GRM8: variants seen among roughly 807,000 people sequenced by gnomAD.
GRM8 encodes glutamate metabotropic receptor 8, also known as metabotropic glutamate receptor 8.
In GRM8, 47 loss-of-function variants were observed where a neutral mutation model predicts 87.2. That is an observed-to-expected ratio of 0.54 (90% CI 0.43 to 0.69). The LOEUF is 0.69. Among genes scored for constraint, GRM8 ranks in the 30% least tolerant of loss-of-function variants. The pLI is 0.00. For missense variants in GRM8, 1,019 were observed against 1,139.2 expected (o/e 0.89, Z 1.52); for synonymous variants, 396 against 404.5 (o/e 0.98, Z 0.25).
At chr7:126,946,286 G>A (rs1476227049) in intron 3 of GRM8, among the ~76,000 whole-genome samples, 1 of 152,184 alleles carries the variant, frequency 6.6e-6, no homozygotes, top group Non-Finnish European at 1.5e-5. Flanking sequence ...AGGTTCACTT[G>A]AGTCCAGGAG....
chr7:126,568,507 T>C (rs1794432066), intron 8 of GRM8, among the ~76,000 whole-genome samples: 1 of 152,096 alleles, frequency 6.6e-6, no homozygotes, highest in African/African-American at 2.4e-5. Flanking sequence ...CCTCCCTCTC[T>C]CTCCCTCTGT....
intron 6 of GRM8, among the ~76,000 whole-genome samples, chr7:126,780,201 C>T (rs898228630): frequency 3.3e-5 from 5 of 152,094 alleles, no homozygotes; most frequent in African/African-American, 4.8e-5. Context: ...ACCCTGCTTC[C>T]GATCTGCCTA....
intron 6 of GRM8, among the ~76,000 whole-genome samples, chr7:126,892,032 A>AAAC (rs1394999789): frequency 6.6e-6 from 1 of 151,178 alleles, no homozygotes; most frequent in East Asian, 1.9e-4. Context: ...AAAAAAAAAA[A>AAAC]AAAAAAAAAA....
chr7:127,017,055 T>C, intron 3 of GRM8, among the ~76,000 whole-genome samples: 1 of 152,044 alleles, frequency 6.6e-6, no homozygotes, highest in East Asian at 1.9e-4. Context: ...TTTCAAAAAA[T>C]TTCCACTAAT....
At chr7:126,938,813 A>T (rs1806599099) in intron 3 of GRM8, among the ~76,000 whole-genome samples, 3 of 152,224 alleles carry the variant, frequency 2.0e-5, no homozygotes, top group Non-Finnish European at 4.4e-5. Context: ...ATTTAGTAAC[A>T]AATATCAGAA....
intron 3 of GRM8, among the ~76,000 whole-genome samples, chr7:127,057,199 T>C (rs1820084048): frequency 1.3e-5 from 2 of 152,324 alleles, no homozygotes; most frequent in East Asian, 3.9e-4. Flanking sequence ...TGCCACTGTC[T>C]TATATACTTC....
At position 126,607,684 on chromosome 7, in the gene GRM8, C is replaced by CT. The variant is rs567513377; in HGVS notation, c.1494+1677dup. 7.8e-4 allele frequency among the ~76,000 whole-genome samples: 118 copies of CT among 152,066 alleles called. 2 individuals carry two copies. In the South Asian group the frequency reaches 0.023, roughly 29 times the overall value. ...TAAAAACATCCTACTGTCTACCGTT[C>CT]TTTTTTTATGTATTTTTATTATTAT... On this transcript the variant is annotated intron_variant, in intron 8 of 10. Coordinates refer to ENST00000339582, the MANE Select transcript of GRM8 (RefSeq NM_000845.3).
chr7:126,881,049 T>C (rs1459851534), intron 6 of GRM8, among the ~76,000 whole-genome samples: 1 of 152,210 alleles, frequency 6.6e-6, no homozygotes, highest in Non-Finnish European at 1.5e-5. Flanking sequence ...GTGATCCTAA[T>C]GTAGAGCTTT....
chr7:127,090,661 T>G (rs945785256), intron 3 of GRM8, among the ~76,000 whole-genome samples: 1 of 152,136 alleles, frequency 6.6e-6, no homozygotes, highest in African/African-American at 2.4e-5. Flanking sequence ...AACTGAAACC[T>G]GTCCCTAATT....
intron 8 of GRM8, among the ~76,000 whole-genome samples, chr7:126,561,141 C>A (rs11981877): frequency 0.31 from 46,610 of 151,960 alleles, 8,048 homozygotes; most frequent in East Asian, 0.44. Flanking sequence ...TTATTGGCAC[C>A]TTTTGTCTTG....
At chr7:126,810,265 G>A (rs1026369535) in intron 6 of GRM8, among the ~76,000 whole-genome samples, 3 of 152,074 alleles carry the variant, frequency 2.0e-5, no homozygotes, top group Non-Finnish European at 4.4e-5. Context: ...CATGAACAGG[G>A]CTTCTGTAAT....
chr7:126,714,207 G>A (rs1811454937), intron 7 of GRM8, among the ~76,000 whole-genome samples: 1 of 150,622 alleles, frequency 6.6e-6, no homozygotes, highest in South Asian at 2.1e-4. Context: ...GAAGCCAGGA[G>A]GCAGAGGTTG....
chr7:126,967,913 T>A (rs1429645966), intron 3 of GRM8, among the ~76,000 whole-genome samples: 1 of 152,220 alleles, frequency 6.6e-6, no homozygotes, highest in Non-Finnish European at 1.5e-5. Context: ...TTGAGGAAAC[T>A]GCCTTAAGCC....
chr7:126,851,356 C>T (rs1797190951), intron 6 of GRM8, among the ~76,000 whole-genome samples: 1 of 152,120 alleles, frequency 6.6e-6, no homozygotes, highest in African/African-American at 2.4e-5. Context: ...ACCTTTTCTC[C>T]ACTTAAGTCG....
chr7:126,607,211 T>C (rs1798445169), intron 8 of GRM8, among the ~76,000 whole-genome samples: 1 of 152,224 alleles, frequency 6.6e-6, no homozygotes, highest in Non-Finnish European at 1.5e-5. Context: ...TGCAGAACAA[T>C]GGATAAGATT....
intron 7 of GRM8, among the ~76,000 whole-genome samples, chr7:126,708,208 T>A (rs1207871565): frequency 1.3e-5 from 2 of 151,962 alleles, no homozygotes; most frequent in Admixed American, 6.6e-5. Context: ...TTTTAGAATA[T>A]CTATTATCAA....
At chr7:126,909,285 T>G (rs1263603291) in intron 3 of GRM8, among the ~76,000 whole-genome samples, 1 of 152,152 alleles carries the variant, frequency 6.6e-6, no homozygotes, top group Non-Finnish European at 1.5e-5. Flanking sequence ...GTTTAAAAAA[T>G]AAAATGAAAT....
rs73722605 is a variant in GRM8 at position 126,440,655 on chromosome 7, C to T, written c.2678-1487G>A. Among the ~76,000 whole-genome samples, 473 of 152,070 alleles carry T rather than the reference C, an allele frequency of 3.1e-3. 1 individual carries two copies. Among genetic ancestry groups the T allele is most frequent in the African/African-American group, 0.011 (447 of 41,488 alleles). Reference sequence around the variant, plus strand: ...TTGCATTACAACTGTGTACACAATTCAGGACAGTAACATGCTGTACAGGTT... The same window carrying T: ...TTGCATTACAACTGTGTACACAATTTAGGACAGTAACATGCTGTACAGGTT... On this transcript the variant is annotated intron_variant, in intron 10 of 10. Coordinates refer to ENST00000339582, the MANE Select transcript of GRM8 (RefSeq NM_000845.3).
intron 7 of GRM8, among the ~76,000 whole-genome samples, chr7:126,629,610 A>G (rs1297164779): frequency 6.6e-6 from 1 of 150,678 alleles, no homozygotes; most frequent in Non-Finnish European, 1.5e-5. Flanking sequence ...GAAATAAAAA[A>G]AATATCAAAC....
Sources: allele counts gnomAD v4.1 joint callset (sites outside exome capture counted in the v4.1 genomes callset), GRCh38; gene constraint gnomAD v4.1.1; transcripts MANE v1.5; gene names NCBI Gene and HGNC (gene_info 2026-07-23, HGNC 2026-07-21).